HIF1A: variants seen among roughly 807,000 people sequenced by gnomAD.
The protein encoded by HIF1A is hypoxia inducible factor 1 subunit alpha, also known as hypoxia-inducible factor 1-alpha.
Under a neutral mutation model 92.7 loss-of-function variants are expected in HIF1A, and 24 were observed. The ratio of observed to expected loss-of-function variants is 0.26; its 90% CI spans 0.19 to 0.36. The LOEUF (loss-of-function observed/expected upper bound fraction) is 0.36, where lower values mean the gene tolerates loss of function less well. HIF1A is among the 10% of genes least tolerant of loss of function. The pLI is 1.00. For missense variants in HIF1A, 799 were observed against 998.5 expected (o/e 0.80, Z 2.69); for synonymous variants, 319 against 338.7 (o/e 0.94, Z 0.64).
intron 10 of HIF1A, among the ~76,000 whole-genome samples, chr14:61,739,871 T>C (rs2044685303): frequency 6.6e-6 from 1 of 152,130 alleles, no homozygotes; most frequent in Non-Finnish European, 1.5e-5. Flanking sequence ...TTCCAGTGAA[T>C]GTAGCATCTA....
intron 6 of HIF1A, among the ~76,000 whole-genome samples, chr14:61,730,096 A>G (rs755215160): frequency 1.3e-5 from 2 of 152,206 alleles, no homozygotes; most frequent in Non-Finnish European, 2.9e-5. Flanking sequence ...TGTTCATGGC[A>G]CTAAAGTAGA....
intron 1 of HIF1A, chr14:61,697,761 C>T (rs543505481): frequency 7.0e-7 from 1 of 1,420,596 alleles, no homozygotes; most frequent in Non-Finnish European, 9.1e-7. Flanking sequence ...TAATAGATGA[C>T]CTTTTCTAAC....
At chr14:61,744,675 T>C (rs2044755199) in intron 12 of HIF1A, 30 bp from the exon 13 acceptor site, 1 of 949,186 alleles carries the variant, frequency 1.1e-6, no homozygotes, top group Non-Finnish European at 1.6e-6. Flanking sequence ...AAAAACGCTA[T>C]ATTTTCATTT....
chr14:61,702,071 A>G (rs1300356601), intron 1 of HIF1A, among the ~76,000 whole-genome samples: 1 of 152,080 alleles, frequency 6.6e-6, no homozygotes, highest in Non-Finnish European at 1.5e-5. Context: ...TGAATTAACA[A>G]ATGAGACAAT....
chr14:61,735,568 T>G (rs2044625324), intron 8 of HIF1A, among the ~76,000 whole-genome samples: 1 of 152,238 alleles, frequency 6.6e-6, no homozygotes, highest in East Asian at 1.9e-4. Flanking sequence ...ACTTTCACAA[T>G]GGGTTATAAA....
chr14:61,744,289 C>A (rs1181922802), intron 12 of HIF1A, among the ~76,000 whole-genome samples: 1 of 152,018 alleles, frequency 6.6e-6, no homozygotes, highest in Non-Finnish European at 1.5e-5. Context: ...CTTTGGGAGG[C>A]CAAGGTGGGC....
chr14:61,744,419 A>G (rs547770918), intron 12 of HIF1A, among the ~76,000 whole-genome samples: 1 of 151,148 alleles, frequency 6.6e-6, no homozygotes, highest in East Asian at 2.0e-4. Flanking sequence ...CTGAGGTGGG[A>G]GGATCACTTG....
chr14:61,703,488 TCTTG>T (rs2044200758), intron 1 of HIF1A, among the ~76,000 whole-genome samples: 1 of 152,204 alleles, frequency 6.6e-6, no homozygotes, highest in East Asian at 1.9e-4. Flanking sequence ...CTGACTTTTG[TCTTG>T]ATATTACTTG....
chr14:61,707,604 G>C (rs1395891744), intron 1 of HIF1A, among the ~76,000 whole-genome samples: 1 of 151,704 alleles, frequency 6.6e-6, no homozygotes, highest in Non-Finnish European at 1.5e-5. Flanking sequence ...ATGGTTTCCG[G>C]CTTCATCCAT....
chr14:61,734,395 TC>T, intron 8 of HIF1A, 110 bp downstream of exon 8: 1 of 714,606 alleles, frequency 1.4e-6, no homozygotes, highest in Non-Finnish European at 2.2e-6. Flanking sequence ...AAATTTTAAT[TC>T]TTTTACATCG....
At chr14:61,708,618 A>G (rs2044271610) in intron 1 of HIF1A, among the ~76,000 whole-genome samples, 2 of 85,358 alleles carry the variant, frequency 2.3e-5, no homozygotes, top group African/African-American at 5.1e-5. Flanking sequence ...GGTTGTAGAT[A>G]AGCGGCATTA....
At chr14:61,729,605 T>C (rs756852148) in intron 6 of HIF1A, among the ~76,000 whole-genome samples, 24 of 152,168 alleles carry the variant, frequency 1.6e-4, no homozygotes, top group Non-Finnish European at 3.1e-4. Context: ...CTAAGAATTA[T>C]TTTAAGGTGT....
At chr14:61,720,254 T>C in intron 1 of HIF1A, 128 bp from the exon 2 acceptor site, 2 of 626,790 alleles carry the variant, frequency 3.2e-6, no homozygotes, top group Non-Finnish European at 5.3e-6. Flanking sequence ...CAAATCTCCA[T>C]GTAACTTAAT....
At chr14:61,696,055 C>G (rs569084897) in intron 1 of HIF1A, among the ~76,000 whole-genome samples, 29 of 152,300 alleles carry the variant, frequency 1.9e-4, no homozygotes, top group Non-Finnish European at 3.7e-4. Context: ...GGAGACGCCT[C>G]GAAAGTGCTT....
At chr14:61,701,714 G>A (rs565234581) in intron 1 of HIF1A, among the ~76,000 whole-genome samples, 13 of 152,240 alleles carry the variant, frequency 8.5e-5, no homozygotes, top group East Asian at 3.9e-4. Context: ...TGGGCTGGGC[G>A]CGGTGGCTCA....
intron 1 of HIF1A, among the ~76,000 whole-genome samples, chr14:61,699,477 A>G (rs1428069438): frequency 6.6e-6 from 1 of 150,460 alleles, no homozygotes; most frequent in African/African-American, 2.5e-5. Flanking sequence ...TTTTTTTCTG[A>G]AGAACTCAGT....
intron 1 of HIF1A, among the ~76,000 whole-genome samples, chr14:61,700,990 A>G (rs943204901): frequency 3.9e-5 from 6 of 152,150 alleles, no homozygotes; most frequent in Non-Finnish European, 7.3e-5. Context: ...GGAGAATTCA[A>G]TTTTTCTAGT....
In HIF1A at chr14:61,742,899, A is replaced by AC. The variant is rs2044731100; in HGVS notation, c.2093+1711_2093+1712insC. ...AAACTCGGTTTCAAAAAAAAAAAAA[A>AC]AAAAAAAAGTTGTTGGACTGACAGA... On this transcript the variant is annotated intron_variant, in intron 12 of 14. Coordinates refer to ENST00000337138, the MANE Select transcript of HIF1A (RefSeq NM_001530.4). 1.4e-5 allele frequency among the ~76,000 whole-genome samples: 2 copies of AC among 146,520 alleles called. 1 individual carries two copies. The highest frequency in any genetic ancestry group is 4.4e-4 in the South Asian group (2 of 4,584).
chr14:61,695,937 G>GC (rs1475267398), intron 1 of HIF1A, 98 bp downstream of exon 1: 11 of 1,134,266 alleles, frequency 9.7e-6, no homozygotes, highest in Middle Eastern at 2.4e-4. Flanking sequence ...AATGGGATTG[G>GC]GGGGGGCAGC....
Sources: allele counts gnomAD v4.1 joint callset (sites outside exome capture counted in the v4.1 genomes callset), GRCh38; gene constraint gnomAD v4.1.1; transcripts MANE v1.5; gene names NCBI Gene and HGNC (gene_info 2026-07-23, HGNC 2026-07-21).